Variants in PREX1 observed in about 807,000 individuals in gnomAD.
The protein encoded by PREX1 is phosphatidylinositol-3,4,5-trisphosphate dependent Rac exchange factor 1.
In PREX1, 41 loss-of-function variants were observed where a neutral mutation model predicts 198.3. That is an observed-to-expected ratio of 0.21 (90% CI 0.16 to 0.27). The LOEUF (loss-of-function observed/expected upper bound fraction) is 0.27. Among genes scored for constraint, PREX1 ranks in the 10% least tolerant of loss-of-function variants. The pLI, the probability that PREX1 is intolerant of heterozygous loss-of-function variation, is 1.00. For missense variants in PREX1, 1,620 were observed against 2,200.7 expected (o/e 0.74, Z 5.28); for synonymous variants, 843 against 887.2 (o/e 0.95, Z 0.89).
At chr20:48,773,266 C>CAAAAAAAAAA in intron 1 of PREX1, among the ~76,000 whole-genome samples, 1 of 65,914 alleles carries the variant, frequency 1.5e-5, no homozygotes, top group Non-Finnish European at 2.7e-5. Context: ...GACTTGGTCT[C>CAAAAAAAAAA]AAAAAAAAAA....
At chr20:48,736,659 G>T (rs2090058323) in intron 3 of PREX1, among the ~76,000 whole-genome samples, 1 of 152,226 alleles carries the variant, frequency 6.6e-6, no homozygotes, top group Admixed American at 6.5e-5. Context: ...AACCTTGTGA[G>T]TGGGGGCTGC....
At chr20:48,743,540 C>G (rs6095273) in intron 3 of PREX1, among the ~76,000 whole-genome samples, 1 of 152,230 alleles carries the variant, frequency 6.6e-6, no homozygotes, top group African/African-American at 2.4e-5. Context: ...CCCAGCCCAC[C>G]TGCGCCCCAT....
At chr20:48,627,747 G>C in intron 38 of PREX1, 114 bp downstream of exon 38, 1 of 1,397,456 alleles carries the variant, frequency 7.2e-7, no homozygotes, top group South Asian at 1.2e-5. Context: ...TCCAGATTCA[G>C]AGAAGGCTCA....
At chr20:48,688,630 C>T in intron 10 of PREX1, 27 bp downstream of exon 10, 1 of 1,613,716 alleles carries the variant, frequency 6.2e-7, no homozygotes, top group Non-Finnish European at 8.5e-7. Context: ...CCCAGGGACC[C>T]AGGGAGTTCA....
In PREX1 at chr20:48,766,526, T is replaced by A. The variant is rs574194062; in HGVS notation, c.220-18646A>T. ...TGTTCCCCAAACACACCCAGCTTGC[T>A]CCTGCCCCCAGGCCTCAGCACAGGT... On this transcript the variant is annotated intron_variant, in intron 1 of 39. Transcript: ENST00000371941. 3.2e-4 allele frequency among the ~76,000 whole-genome samples: 48 copies of A among 152,276 alleles called. 1 individual carries two copies. Among genetic ancestry groups the A allele is most frequent in the South Asian group, 2.9e-3 (14 of 4,822 alleles).
At chr20:48,767,399 C>T (rs1361694035) in intron 1 of PREX1, among the ~76,000 whole-genome samples, 5 of 152,112 alleles carry the variant, frequency 3.3e-5, no homozygotes, top group Non-Finnish European at 7.4e-5. Context: ...CAAACGAGGG[C>T]CCTGAAGAGG....
intron 11 of PREX1, 97 bp from the exon 12 acceptor site, chr20:48,679,851 T>A: frequency 1.1e-6 from 1 of 903,048 alleles, no homozygotes; most frequent in South Asian, 1.4e-5. Context: ...CCACGCCCCC[T>A]CTGCCCCTCC....
rs940094068 is a variant in PREX1, at chr20:48,653,016, G to A, written c.2347-310C>T. Reference sequence around the variant, plus strand: ...GTGAATCAATCAATGAGGGAATCTCGCCCTCCACCAGAACCCTGGCCCCCA... The same window carrying A: ...GTGAATCAATCAATGAGGGAATCTCACCCTCCACCAGAACCCTGGCCCCCA... On this transcript the variant is annotated intron_variant, in intron 20 of 39. Transcript: ENST00000371941. Among the ~76,000 whole-genome samples the A allele has an allele frequency of 3.3e-5, 5 of 152,186 alleles. No homozygotes were observed. The East Asian group carries it at 5.8e-4, about 18-fold the overall frequency.
chr20:48,826,631 G>A (rs1000752192), intron 1 of PREX1, among the ~76,000 whole-genome samples: 1 of 152,186 alleles, frequency 6.6e-6, no homozygotes, highest in African/African-American at 2.4e-5. Flanking sequence ...GAGGTCGGCG[G>A]ATCACTTGAG....
At chr20:48,716,060 A>C (rs2089960942) in intron 5 of PREX1, among the ~76,000 whole-genome samples, 1 of 152,168 alleles carries the variant, frequency 6.6e-6, no homozygotes, top group Non-Finnish European at 1.5e-5. Context: ...AAAGTGTCTA[A>C]GTAGGGCAGG....
the PREX1 span, among the ~76,000 whole-genome samples, chr20:48,849,152 A>T: frequency 1.3e-5 from 2 of 152,136 alleles, no homozygotes; most frequent in Middle Eastern, 3.4e-3. Context: ...CCGGAGAAGC[A>T]TGTAGAAGAA....
the PREX1 span, among the ~76,000 whole-genome samples, chr20:48,860,987 A>C: frequency 5.3e-5 from 8 of 152,132 alleles, no homozygotes; most frequent in African/African-American, 1.9e-4. Flanking sequence ...TAAAAGAAAA[A>C]AAATTGTAGT....
the PREX1 span, among the ~76,000 whole-genome samples, chr20:48,860,483 C>A: frequency 7.9e-5 from 12 of 152,296 alleles, no homozygotes; most frequent in East Asian, 1.2e-3. Context: ...GTACTTAACG[C>A]GTCTGAACTG....
chr20:48,634,175 C>G (rs56084375), intron 33 of PREX1, among the ~76,000 whole-genome samples: 1,314 of 74,936 alleles, frequency 0.018, 21 homozygotes, highest in African/African-American at 0.061. Context: ...TGGATGGATG[C>G]ATGGATGGAT....
At chr20:48,770,845 T>A (rs1264334617) in intron 1 of PREX1, among the ~76,000 whole-genome samples, 1 of 152,144 alleles carries the variant, frequency 6.6e-6, no homozygotes, top group Non-Finnish European at 1.5e-5. Flanking sequence ...GGCGTCTGAA[T>A]CACCTGGGGC....
At position 48,747,818 on chromosome 20, in the gene PREX1, C is replaced by G. The variant is rs1389288880; in HGVS notation, c.282G>C (p.Glu94Asp). The G allele has an allele frequency of 2.5e-6, 4 of 1,613,190 alleles. No homozygotes were observed. In the South Asian group the frequency reaches 4.4e-5, roughly 18 times the overall value. ...ADSVEKGLTE[E>D]NVKVLFSNIE... Reference sequence around the variant, plus strand: ...GCCCCAGCGTCCACACCTTGACATTCTCCTCCGTGAGGCCCTTCTCCACTG... The same window carrying G: ...GCCCCAGCGTCCACACCTTGACATTGTCCTCCGTGAGGCCCTTCTCCACTG... Residue 94 changes from glutamate (E) to aspartate (D), a missense_variant, in exon 2 of 40, where the codon GAG (glutamate) becomes GAC (aspartate). This residue lies in a region of PREX1 where 488 missense variants were observed against 802.5 expected (regional missense o/e 0.61). Transcript: ENST00000371941.
At chr20:48,842,694 A>G in the PREX1 span, among the ~76,000 whole-genome samples, 3 of 151,476 alleles carry the variant, frequency 2.0e-5, no homozygotes, top group Non-Finnish European at 4.4e-5. Context: ...TCCTTCTTAA[A>G]ATATGCTTTT....
chr20:48,767,986 C>T (rs956575498), intron 1 of PREX1, among the ~76,000 whole-genome samples: 1 of 152,158 alleles, frequency 6.6e-6, no homozygotes, highest in Non-Finnish European at 1.5e-5. Flanking sequence ...TTAGAGTCCT[C>T]CTCTCTGCGC....
intron 5 of PREX1, among the ~76,000 whole-genome samples, chr20:48,715,323 C>T (rs2089957077): frequency 6.6e-6 from 1 of 152,186 alleles, no homozygotes; most frequent in Non-Finnish European, 1.5e-5. Flanking sequence ...CCACTTGGAG[C>T]TTTCTCGCAA....
Sources: allele counts gnomAD v4.1 joint callset (sites outside exome capture counted in the v4.1 genomes callset), GRCh38; gene constraint gnomAD v4.1.1; regional missense constraint gnomAD v4.1.1; transcripts MANE v1.5; gene names NCBI Gene and HGNC (gene_info 2026-07-23, HGNC 2026-07-21).